CTNND2: variants seen among roughly 807,000 people sequenced by gnomAD.
CTNND2 encodes catenin delta 2.
CTNND2 carries 22 observed loss-of-function variants against 144.4 expected under a neutral mutation model. That is an observed-to-expected ratio of 0.15 (90% CI 0.11 to 0.22). The LOEUF is 0.22. Among genes scored for constraint, CTNND2 ranks in the 10% least tolerant of loss-of-function variants. The pLI is 1.00. For missense variants in CTNND2, 1,353 were observed against 1,618.8 expected (o/e 0.84, Z 2.82); for synonymous variants, 751 against 695.6 (o/e 1.08, Z -1.25).
At chr5:11,392,219 A>T (rs1483926526) in intron 6 of CTNND2, among the ~76,000 whole-genome samples, 1 of 152,146 alleles carries the variant, frequency 6.6e-6, no homozygotes, top group South Asian at 2.1e-4. Flanking sequence ...TTGAGTACTG[A>T]TTTTTCCTAC....
At chr5:11,221,326 A>G (rs1739770564) in intron 10 of CTNND2, among the ~76,000 whole-genome samples, 1 of 152,212 alleles carries the variant, frequency 6.6e-6, no homozygotes, top group Admixed American at 6.5e-5. Context: ...CTTCCCCTCC[A>G]TTGTGTTAAC....
chr5:11,867,079 T>C (rs1795806277), intron 1 of CTNND2, among the ~76,000 whole-genome samples: 1 of 152,212 alleles, frequency 6.6e-6, no homozygotes, highest in Admixed American at 6.5e-5. Context: ...AAGCTCACAT[T>C]TTAACGCTTT....
rs1488240651 is a variant in CTNND2 at position 11,847,126 on chromosome 5, TTTTATATATATATATA to T, written c.37+56675_37+56690del. The stretch of plus-strand genomic sequence containing the variant: ...GGAAATAAAATCAGTATGTCAAAGA[TTTTATATATATATATA>T]TATATATATATATATATATATATAT... On this transcript the variant is annotated intron_variant, in intron 1 of 21. Coordinates refer to ENST00000304623, the MANE Select transcript of CTNND2 (RefSeq NM_001332.4). Among the ~76,000 whole-genome samples the T allele has an allele frequency of 7.1e-3, 752 of 105,476 alleles. 14 individuals are homozygous for T. The highest frequency in any genetic ancestry group is 0.067 in the East Asian group (204 of 3,042). The allele number at this position is 105,476 out of a possible 152,430, so 69.2% of individuals were successfully genotyped here. A position where few individuals can be genotyped will look rare whatever the true frequency, so the allele number is the denominator to read the frequency against.
Position 11,903,869 on chromosome 5 carries a change from G to A in CTNND2, c.-16C>T. ...TCGCAAACATGCACCCTCCGCCGGC[G>A]ACAGCTCCTCAGTCCGGGAAGAGGC... On this transcript the variant is annotated 5_prime_UTR_variant, in exon 1 of 22. Transcript: ENST00000304623. This position sits in a 1 kb window ranked among gnomAD's most constrained non-coding sequence, Gnocchi z 5.4. 1 of 1,472,560 alleles carries A rather than the reference G, an allele frequency of 6.8e-7. No homozygotes were observed. Among genetic ancestry groups the A allele is most frequent in the East Asian group, 3.0e-5 (1 of 33,512 alleles). The allele number at this position is 1,472,560 out of a possible 1,614,324, so 91.2% of individuals were successfully genotyped here. A position where few individuals can be genotyped will look rare whatever the true frequency, so the allele number is the denominator to read the frequency against.
intron 15 of CTNND2, among the ~76,000 whole-genome samples, chr5:11,089,270 C>T (rs1750509685): frequency 6.6e-6 from 1 of 151,634 alleles, no homozygotes; most frequent in African/African-American, 2.4e-5. Flanking sequence ...AAATACTATG[C>T]TAGTGTACTA....
intron 3 of CTNND2, among the ~76,000 whole-genome samples, chr5:11,537,753 G>GGATAT (rs1774353747): frequency 6.6e-6 from 1 of 152,138 alleles, no homozygotes; most frequent in Non-Finnish European, 1.5e-5. Flanking sequence ...TATAGTACCA[G>GGATAT]CTTTAGTAGA....
At chr5:11,048,190 C>T (rs1017472850) in intron 16 of CTNND2, among the ~76,000 whole-genome samples, 2 of 152,100 alleles carry the variant, frequency 1.3e-5, no homozygotes, top group African/African-American at 4.8e-5. Context: ...ACAAACACTG[C>T]CCTGAATGAA....
intron 16 of CTNND2, among the ~76,000 whole-genome samples, chr5:11,075,052 A>G (rs947901113): frequency 1.3e-5 from 2 of 152,142 alleles, no homozygotes; most frequent in East Asian, 1.9e-4. Flanking sequence ...AAAAATAATA[A>G]ACTCCCAGGC....
At chr5:11,802,466 T>C (rs11133670) in intron 1 of CTNND2, among the ~76,000 whole-genome samples, 147,414 of 152,034 alleles carry the variant, frequency 0.97, 71,607 homozygotes, top group East Asian at 1. Context: ...ACTCAGGAGG[T>C]TGAGGCAGGA....
chr5:11,474,852 T>C (rs1209905680), intron 3 of CTNND2, among the ~76,000 whole-genome samples: 1 of 152,156 alleles, frequency 6.6e-6, no homozygotes, highest in African/African-American at 2.4e-5. Context: ...ACCAATTACC[T>C]TCCATGGTAC....
At chr5:11,263,674 C>T (rs116121664) in intron 9 of CTNND2, among the ~76,000 whole-genome samples, 2,260 of 152,268 alleles carry the variant, frequency 0.015, 59 homozygotes, top group African/African-American at 0.052. Context: ...TTTGTATTTT[C>T]CAGTATGAGC....
At chr5:11,672,321 A>G (rs1313733466) in intron 2 of CTNND2, among the ~76,000 whole-genome samples, 1 of 152,190 alleles carries the variant, frequency 6.6e-6, no homozygotes, top group Admixed American at 6.5e-5. Flanking sequence ...TGCTGGGAGA[A>G]CTGCTGCTCT....
intron 18 of CTNND2, among the ~76,000 whole-genome samples, chr5:10,997,390 A>G (rs1450206329): frequency 6.6e-6 from 1 of 152,004 alleles, no homozygotes; most frequent in Non-Finnish European, 1.5e-5. Context: ...TCAAGAGATC[A>G]AGACCATTCT....
chr5:11,292,804 T>C (rs1473360555), intron 9 of CTNND2, among the ~76,000 whole-genome samples: 1 of 152,154 alleles, frequency 6.6e-6, no homozygotes, highest in African/African-American at 2.4e-5. Flanking sequence ...GGCTGGGTGA[T>C]ATTGCCACAG....
chr5:11,699,937 A>T (rs1785348618), intron 2 of CTNND2, among the ~76,000 whole-genome samples: 1 of 152,182 alleles, frequency 6.6e-6, no homozygotes, highest in Non-Finnish European at 1.5e-5. Flanking sequence ...TAGTAGAGGG[A>T]GTCGGATACT....
chr5:11,687,567 C>T (rs1784711966), intron 2 of CTNND2, among the ~76,000 whole-genome samples: 1 of 152,226 alleles, frequency 6.6e-6, no homozygotes, highest in Non-Finnish European at 1.5e-5. Flanking sequence ...GGACCTAAAA[C>T]ATGGCTTAGG....
intron 21 of CTNND2, among the ~76,000 whole-genome samples, chr5:10,974,850 G>A (rs1736252092): frequency 6.6e-6 from 1 of 152,170 alleles, no homozygotes; most frequent in African/African-American, 2.4e-5. Flanking sequence ...TGCTTTTAAA[G>A]GCTTACACAT....
chr5:11,439,761 TATCTATC>T (rs1764095238), intron 3 of CTNND2, among the ~76,000 whole-genome samples: 1 of 149,606 alleles, frequency 6.7e-6, no homozygotes, highest in African/African-American at 2.5e-5. Context: ...TCTATCTATC[TATCTATC>T]TATCTATCTA....
chr5:11,172,990 T>A (rs1219883196), intron 11 of CTNND2, among the ~76,000 whole-genome samples: 1 of 152,190 alleles, frequency 6.6e-6, no homozygotes, highest in Non-Finnish European at 1.5e-5. Flanking sequence ...TGTGCTTTTG[T>A]TTTTTAGTGT....
Sources: allele counts gnomAD v4.1 joint callset (sites outside exome capture counted in the v4.1 genomes callset), GRCh38; gene constraint gnomAD v4.1.1; non-coding constraint Gnocchi (gnomAD v3.1); transcripts MANE v1.5; gene names NCBI Gene and HGNC (gene_info 2026-07-23, HGNC 2026-07-21).